Variants in SLC35F4 observed in about 807,000 individuals in gnomAD.
The protein encoded by SLC35F4 is chromosome 14 open reading frame 36.
In SLC35F4, 24 loss-of-function variants were observed where a neutral mutation model predicts 44.2. That is an observed-to-expected ratio of 0.54 (90% CI 0.39 to 0.76). The LOEUF is 0.76. Ranked by LOEUF, SLC35F4 falls within the 30% of genes least tolerant of loss-of-function variation. The probability of loss-of-function intolerance (pLI) is 0.00; values close to 1 mark genes in which losing one functional copy is unlikely to be tolerated. For synonymous variants in SLC35F4, 238 were observed against 223.6 expected, an observed-to-expected ratio of 1.06 and a Z score of -0.57; for missense variants, 562 against 586.1, an observed-to-expected ratio of 0.96 and a Z score of 0.42.
chr14:57,666,236 G>A (rs1685272064), intron 1 of SLC35F4, among the ~76,000 whole-genome samples: 1 of 152,210 alleles, frequency 6.6e-6, no homozygotes, highest in South Asian at 2.1e-4. Flanking sequence ...ACGCATGTGT[G>A]AATAGAGAGA....
intron 1 of SLC35F4, among the ~76,000 whole-genome samples, chr14:57,758,037 G>A (rs1443977282): frequency 3.4e-5 from 5 of 149,168 alleles, no homozygotes; most frequent in African/African-American, 1.0e-4. Context: ...GTGTGTGTGT[G>A]TGTGTTATTT....
chr14:57,765,961 G>A (rs1832451345), intron 1 of SLC35F4, among the ~76,000 whole-genome samples: 1 of 152,192 alleles, frequency 6.6e-6, no homozygotes, highest in Admixed American at 6.5e-5. Context: ...TATTAAGTGA[G>A]GAGAGGTATC....
chr14:57,947,628 C>T (rs1259686253), intron 1 of SLC35F4, among the ~76,000 whole-genome samples: 1 of 152,146 alleles, frequency 6.6e-6, no homozygotes, highest in Non-Finnish European at 1.5e-5. Context: ...ATGCCTTCAA[C>T]ATTTCCTCAT....
intron 1 of SLC35F4, among the ~76,000 whole-genome samples, chr14:57,644,652 C>T (rs908781905): frequency 1.3e-5 from 2 of 152,234 alleles, no homozygotes; most frequent in African/African-American, 4.8e-5. Context: ...GCTTTTGTTG[C>T]CATTGCTTTT....
At chr14:57,865,321 C>T (rs1888057820) in intron 1 of SLC35F4, among the ~76,000 whole-genome samples, 1 of 152,012 alleles carries the variant, frequency 6.6e-6, no homozygotes, top group Non-Finnish European at 1.5e-5. Flanking sequence ...CAGCGCCCCG[C>T]ACGCAGTAGG....
intron 1 of SLC35F4, among the ~76,000 whole-genome samples, chr14:57,925,537 G>A (rs1447168229): frequency 9.1e-6 from 1 of 109,970 alleles, no homozygotes; most frequent in Admixed American, 8.5e-5. Flanking sequence ...GAGGGAGGGA[G>A]GGAGGGAGGA....
chr14:57,669,533 A>T (rs1209505048), intron 1 of SLC35F4, among the ~76,000 whole-genome samples: 1 of 152,048 alleles, frequency 6.6e-6, no homozygotes, highest in Non-Finnish European at 1.5e-5. Context: ...GAGATTTTTT[A>T]GCATGAAGGG....
chr14:57,700,345 GAAGGAAGTTTAC>G (rs1018023815), intron 1 of SLC35F4, among the ~76,000 whole-genome samples: 6 of 93,830 alleles, frequency 6.4e-5, no homozygotes, highest in Non-Finnish European at 1.1e-4. Flanking sequence ...CACTTACGAT[GAAGGAAGTTTAC>G]AAGGAAGTTT....
chr14:57,768,411 A>C (rs1049542202), intron 1 of SLC35F4, among the ~76,000 whole-genome samples: 5 of 152,212 alleles, frequency 3.3e-5, no homozygotes, highest in African/African-American at 4.8e-5. Flanking sequence ...TCCAAAATGC[A>C]ACCCTGTTCT....
chr14:57,575,540 G>A (rs1300364061), intron 4 of SLC35F4, among the ~76,000 whole-genome samples: 4 of 152,104 alleles, frequency 2.6e-5, no homozygotes, highest in Non-Finnish European at 5.9e-5. Flanking sequence ...TCTGAACCTG[G>A]CTTAGGTGAG....
At chr14:57,980,691 C>T (rs1881353878) in intron 1 of SLC35F4, among the ~76,000 whole-genome samples, 1 of 152,168 alleles carries the variant, frequency 6.6e-6, no homozygotes, top group African/African-American at 2.4e-5. Context: ...GCAAAGAAAG[C>T]TGTATCCCTA....
intron 1 of SLC35F4, among the ~76,000 whole-genome samples, chr14:57,854,631 C>A (rs1020446888): frequency 4.6e-5 from 7 of 152,210 alleles, no homozygotes; most frequent in African/African-American, 1.7e-4. Context: ...CCTGCTACCT[C>A]TCTCCCAACT....
chr14:57,892,804 G>A (rs1888798480), intron 1 of SLC35F4, among the ~76,000 whole-genome samples: 1 of 152,024 alleles, frequency 6.6e-6, no homozygotes, highest in Admixed American at 6.6e-5. Flanking sequence ...AGGATCTCTA[G>A]GTCATTTTCT....
At chr14:57,704,145 C>A (rs1194080124) in intron 1 of SLC35F4, among the ~76,000 whole-genome samples, 1 of 152,082 alleles carries the variant, frequency 6.6e-6, no homozygotes, top group Admixed American at 6.6e-5. Flanking sequence ...ACATAGTCAC[C>A]CAAAATTTTA....
At position 57,865,754 on chromosome 14, in the gene SLC35F4, A is replaced by C. The variant is rs1406424072; in HGVS notation, c.72T>G (p.Tyr24Ter). The part of the protein sequence containing the change: ...EDRILRITGY[Y>*]GYYPGYSSQK... ...GGCTGGAGTAACCTGGATAATAGCC[A>C]TAGTAGCCGGTGATCCGCAGGATCC... Residue 24 changes from tyrosine (Y) to a stop codon, truncating the protein, a stop_gained, in exon 1 of 8, where the codon TAT becomes TAG. Transcript: ENST00000556826. LOFTEE classifies it high-confidence loss of function. The C allele has an allele frequency of 6.6e-7, 1 of 1,523,800 alleles. No homozygotes were observed. The highest frequency in any genetic ancestry group is 1.4e-5 in the African/African-American group (1 of 71,484). 94.4% of individuals were successfully genotyped at this position (1,523,800 alleles called of 1,614,324 possible).
intron 1 of SLC35F4, among the ~76,000 whole-genome samples, chr14:57,699,894 T>C (rs1169691613): frequency 6.6e-6 from 1 of 152,192 alleles, no homozygotes; most frequent in African/African-American, 2.4e-5. Flanking sequence ...TGAGAGTCCA[T>C]GGGATTTTTG....
intron 1 of SLC35F4, among the ~76,000 whole-genome samples, chr14:57,713,120 T>A (rs1308634398): frequency 2.0e-5 from 3 of 152,196 alleles, no homozygotes; most frequent in African/African-American, 7.2e-5. Context: ...ATGTTTCTAA[T>A]CTCTCCACAT....
chr14:57,958,850 C>T (rs1319244902), intron 1 of SLC35F4, among the ~76,000 whole-genome samples: 1 of 152,208 alleles, frequency 6.6e-6, no homozygotes, highest in African/African-American at 2.4e-5. Context: ...CTACTCACAG[C>T]AGGTCCTGCC....
chr14:57,916,694 T>G lies in SLC35F4; in HGVS notation n.282+65219A>C, dbSNP rs372726535. ...TTACAGTCTTTATTTTTTCTTTAATTTTCAGTTTTGGAATTGGGTACTAGG... is the reference window on the plus strand; with the variant it reads ...TTACAGTCTTTATTTTTTCTTTAATGTTCAGTTTTGGAATTGGGTACTAGG... On this transcript the variant is annotated intron_variant and non_coding_transcript_variant, in intron 1 of 1. Transcript: ENST00000556568. Among the ~76,000 whole-genome samples the G allele has an allele frequency of 2.0e-4, 30 of 152,296 alleles. No homozygotes were observed. In the South Asian group the frequency reaches 6.2e-3, roughly 32 times the overall value.
Sources: allele counts gnomAD v4.1 joint callset (sites outside exome capture counted in the v4.1 genomes callset), GRCh38; gene constraint gnomAD v4.1.1; transcripts MANE v1.5; gene names NCBI Gene and HGNC (gene_info 2026-07-23, HGNC 2026-07-21).